The following UROS variants were observed in gnomAD, a reference collection of about 807,000 sequenced individuals.
The protein encoded by UROS is uroporphyrinogen-III synthase.
In UROS, 18 loss-of-function variants were observed where a neutral mutation model predicts 33.0. The ratio of observed to expected loss-of-function variants is 0.55; its 90% CI spans 0.38 to 0.81. The LOEUF (loss-of-function observed/expected upper bound fraction) is 0.81. Among genes scored for constraint, UROS ranks in the 30% least tolerant of loss-of-function variants. The pLI is 0.00. For synonymous variants in UROS, 114 were observed against 121.1 expected, an observed-to-expected ratio of 0.94 and a Z score of 0.38; for missense variants, 293 against 314.9, an observed-to-expected ratio of 0.93 and a Z score of 0.53.
chr10:125,788,977 C>T lies in UROS; in HGVS notation c.689G>A (p.Arg230His), dbSNP rs201616690. 24 of 1,608,662 alleles carry T rather than the reference C, an allele frequency of 1.5e-5. No homozygotes were observed. Among genetic ancestry groups the T allele is most frequent in the Middle Eastern group, 3.3e-4 (2 of 5,998 alleles). Reference protein sequence around the residue: ...KFAAIGPTTARALAAQGLPVS... With the variant: ...KFAAIGPTTAHALAAQGLPVS... ...AGGAAGGCCCTGGGCGGCCAGCGCGCGAGCCGTAGTGGGGCCGATGGCTGC... is the reference window on the plus strand; with the variant it reads ...AGGAAGGCCCTGGGCGGCCAGCGCGTGAGCCGTAGTGGGGCCGATGGCTGC... The change falls in exon 10 of 10, where the codon CGC (arginine) becomes CAC (histidine). Residue 230 changes from arginine to histidine, a missense_variant. Arg to His is a conservative substitution (Grantham distance 29). Transcript: ENST00000368797.
At position 125,802,303 on chromosome 10, in the gene UROS, T is replaced by C. The variant is rs530141247; in HGVS notation, c.395-4158A>G. On this transcript the variant is annotated intron_variant, in intron 6 of 9. Transcript: ENST00000368797. ...GGCACGGGGCCCAACCAGTGCTCTC[T>C]GATCCGGAAAGCTGGAACAACTGTC... 154 of 985,992 alleles carry C rather than the reference T, an allele frequency of 1.6e-4. No individual in the cohort carries two copies. In the African/African-American group the frequency reaches 2.3e-3, roughly 15 times the overall value. The allele number at this position is 985,992 out of a possible 1,614,324, so 61.1% of individuals were successfully genotyped here.
At position 125,807,958 on chromosome 10, in the gene UROS, G is replaced by A. The variant is rs139691081; in HGVS notation, c.320-471C>T. 7.0e-4 allele frequency among the ~76,000 whole-genome samples: 107 copies of A among 152,316 alleles called. No individual in the cohort carries two copies. In the South Asian group the frequency reaches 0.01, roughly 15 times the overall value. On this transcript the variant is annotated intron_variant, in intron 5 of 9. Coordinates refer to ENST00000368797, the MANE Select transcript of UROS (RefSeq NM_000375.3). ...ATGTGGCCAGACCACATCCAGAAAG[G>A]TGTTATGGCTTGACATGGCCAGACT...
chr10:125,816,494 C>A lies in UROS; in HGVS notation c.6G>T (p.Lys2Asn). ...CCTTCGCATCCTTCAGTAAAAGAAC[C>A]TTCATTATTGCCTGGCAGTCCTTAT... M[K>N]VLLLKDAKED... The change falls in exon 2 of 10, where the codon AAG becomes AAT. Residue 2 changes from lysine to asparagine, a missense_variant. Coordinates refer to ENST00000368797, the MANE Select transcript of UROS (RefSeq NM_000375.3). The A allele has an allele frequency of 6.2e-7, 1 of 1,614,158 alleles. No homozygotes were observed. Among genetic ancestry groups the A allele is most frequent in the Non-Finnish European group, 8.5e-7 (1 of 1,180,008 alleles).
chr10:125,800,406 G>A (rs1365722980), intron 6 of UROS, among the ~76,000 whole-genome samples: 3 of 152,304 alleles, frequency 2.0e-5, no homozygotes, highest in Non-Finnish European at 2.9e-5. Flanking sequence ...CCTCGTGTGC[G>A]TGCTGGGGGA....
intron 6 of UROS, among the ~76,000 whole-genome samples, chr10:125,801,865 C>T (rs916831535): frequency 6.6e-6 from 1 of 152,140 alleles, no homozygotes; most frequent in Non-Finnish European, 1.5e-5. Context: ...GGACACCAGC[C>T]TGATGGTTCT....
intron 6 of UROS, chr10:125,803,068 T>C (rs1321899048): frequency 1.4e-5 from 23 of 1,612,626 alleles, no homozygotes; most frequent in Non-Finnish European, 1.9e-5. Context: ...GGACTAAGTA[T>C]CTTTTAGAAG....
chr10:125,816,351 G>A (rs1357679597), intron 2 of UROS, 86 bp downstream of exon 2: 2 of 1,604,806 alleles, frequency 1.2e-6, no homozygotes, highest in Admixed American at 1.7e-5. Flanking sequence ...TTCCTCTGAG[G>A]TTTTGCAAAA....
rs143536058 is a variant in UROS at position 125,796,171 on chromosome 10, T to C, written c.493A>G (p.Ile165Val). The change falls in exon 8 of 10, where the codon ATA becomes GTA. Residue 165 changes from isoleucine (I) to valine (V), a missense_variant. Physicochemically the swap from Ile to Val is conservative, Grantham distance 29. Coordinates refer to ENST00000368797, the MANE Select transcript of UROS (RefSeq NM_000375.3). Reference sequence around the variant, plus strand: ...TGTGCAACTGTCTGATACACAGTTATGCTTTCCATGGCAATCCCTGGGCAC... The same window carrying C: ...TGTGCAACTGTCTGATACACAGTTACGCTTTCCATGGCAATCCCTGGGCAC... ...LKDKGIAMES[I>V]TVYQTVAHPG... is the part of the protein sequence containing the mutation. The C allele has an allele frequency of 3.1e-5, 50 of 1,614,198 alleles. No homozygotes were observed. Among genetic ancestry groups the C allele is most frequent in the Middle Eastern group, 1.6e-4 (1 of 6,062 alleles).
chr10:125,798,092 T>C lies in UROS; in HGVS notation c.448A>G (p.Ile150Val), dbSNP rs200800411. The C allele has an allele frequency of 3.2e-5, 52 of 1,613,940 alleles. No individual in the cohort carries two copies. The highest frequency in any genetic ancestry group is 3.8e-5 in the Non-Finnish European group (45 of 1,179,920). ...TTGTCCTTGAGCGCTTTTGGCAGGA[T>C]TTCTCTTTTGAGGTTTCCACAGGGA... ...LFPCGNLKREILPKALKDKGI... is the reference protein window; with the variant it reads ...LFPCGNLKREVLPKALKDKGI... Residue 150 changes from isoleucine (I) to valine (V), a missense_variant, in exon 7 of 10, where the codon ATC becomes GTC. Transcript: ENST00000368797.
intron 3 of UROS, 104 bp downstream of exon 3, chr10:125,816,073 G>T: frequency 8.4e-7 from 1 of 1,188,368 alleles, no homozygotes; most frequent in Non-Finnish European, 1.3e-6. Context: ...ATGTTTTAAA[G>T]TTTGGGAATA....
At chr10:125,803,801 A>G (rs1852061587) in intron 6 of UROS, among the ~76,000 whole-genome samples, 1 of 152,216 alleles carries the variant, frequency 6.6e-6, no homozygotes, top group South Asian at 2.1e-4. Flanking sequence ...ACTCTCCAGG[A>G]AAACCCTCTC....
At chr10:125,796,063 G>A (rs910430595) in intron 8 of UROS, 40 bp downstream of exon 8, 1 of 1,597,068 alleles carries the variant, frequency 6.3e-7, no homozygotes, top group Non-Finnish European at 8.6e-7. Flanking sequence ...TCCCCACCTG[G>A]GCACCCACCC....
At chr10:125,810,994 C>G (rs1007497970) in intron 5 of UROS, among the ~76,000 whole-genome samples, 1 of 152,206 alleles carries the variant, frequency 6.6e-6, no homozygotes, top group Non-Finnish European at 1.5e-5. Context: ...CCAGTGAGTG[C>G]CTAACTGAGA....
At chr10:125,821,257 T>A (rs974904065) in intron 1 of UROS, among the ~76,000 whole-genome samples, 2 of 152,188 alleles carry the variant, frequency 1.3e-5, no homozygotes, top group African/African-American at 4.8e-5. Flanking sequence ...GACAGATAAG[T>A]AGATAAACAA....
intron 6 of UROS, chr10:125,802,955 T>G (rs548381960): frequency 6.2e-7 from 1 of 1,612,808 alleles, no homozygotes; most frequent in South Asian, 1.1e-5. Flanking sequence ...ATTACTCCAA[T>G]GATTCATCAG....
chr10:125,816,087 T>C, intron 3 of UROS, 90 bp downstream of exon 3: 2 of 1,264,788 alleles, frequency 1.6e-6, no homozygotes, highest in Non-Finnish European at 2.3e-6. Flanking sequence ...GGGAATAAAA[T>C]AAGAAGACAG....
At chr10:125,796,733 A>T (rs1851403899) in intron 7 of UROS, 1 of 956,668 alleles carries the variant, frequency 1.0e-6, no homozygotes. Flanking sequence ...GCGACTCTGA[A>T]TATTCCCAGG....
intron 5 of UROS, among the ~76,000 whole-genome samples, chr10:125,810,829 T>C (rs138661433): frequency 2.3e-4 from 35 of 152,376 alleles, no homozygotes; most frequent in African/African-American, 7.7e-4. Context: ...AGTTGGGTGA[T>C]TGACTTTCAT....
At chr10:125,791,899 T>C (rs759521188) in intron 9 of UROS, 4 of 152,024 alleles carry the variant, frequency 2.6e-5, no homozygotes, top group African/African-American at 4.8e-5. Context: ...ACAGTGGTGA[T>C]GGTTGCACAA....
Sources: allele counts gnomAD v4.1 joint callset (sites outside exome capture counted in the v4.1 genomes callset), GRCh38; gene constraint gnomAD v4.1.1; transcripts MANE v1.5; gene names NCBI Gene and HGNC (gene_info 2026-07-23, HGNC 2026-07-21).